SRFBP1: variants seen among roughly 807,000 people sequenced by gnomAD.
The protein encoded by SRFBP1 is serum response factor-binding protein 1.
Under a neutral mutation model 45.5 loss-of-function variants are expected in SRFBP1, and 47 were observed. The observed-to-expected ratio is 1.03, with a 90% CI of 0.82 to 1.32. SRFBP1 has a LOEUF of 1.32. SRFBP1 is among the 40% of genes most tolerant of loss of function. SRFBP1 has a pLI of 0.00. For synonymous variants in SRFBP1, 203 were observed against 166.3 expected, an observed-to-expected ratio of 1.22 and a Z score of -1.70; for missense variants, 621 against 484.6, an observed-to-expected ratio of 1.28 and a Z score of -2.64.
intron 3 of SRFBP1, among the ~76,000 whole-genome samples, chr5:121,976,774 A>T (rs1157770176): frequency 6.6e-6 from 1 of 150,746 alleles, no homozygotes. Flanking sequence ...GTGCATACAC[A>T]TACACATACA....
intron 3 of SRFBP1, among the ~76,000 whole-genome samples, chr5:121,990,996 C>G (rs1000884149): frequency 6.6e-6 from 1 of 151,498 alleles, no homozygotes; most frequent in Non-Finnish European, 1.5e-5. Flanking sequence ...TTAGGGCTTA[C>G]CTGCTTTCCA....
chr5:122,049,660 A>C (rs1753933605), intron 2 of SRFBP1, among the ~76,000 whole-genome samples: 1 of 152,174 alleles, frequency 6.6e-6, no homozygotes, highest in Non-Finnish European at 1.5e-5. Context: ...AAAGAACAGA[A>C]ATTATAACAA....
chr5:122,048,544 A>T (rs935287637), intron 2 of SRFBP1, among the ~76,000 whole-genome samples: 2 of 152,164 alleles, frequency 1.3e-5, no homozygotes, highest in Non-Finnish European at 2.9e-5. Flanking sequence ...TGGTATCAGG[A>T]TGATGCTGGC....
chr5:121,992,955 G>T (rs1208419365), intron 3 of SRFBP1, among the ~76,000 whole-genome samples: 1 of 151,972 alleles, frequency 6.6e-6, no homozygotes, highest in East Asian at 1.9e-4. Context: ...ATTGCCCCTT[G>T]TCTCCGACCC....
At chr5:122,074,696 T>C (rs1457962562) in intron 2 of SRFBP1, among the ~76,000 whole-genome samples, 1 of 152,220 alleles carries the variant, frequency 6.6e-6, no homozygotes, top group Admixed American at 6.5e-5. Context: ...AAATAAAATA[T>C]TCCTATTTTA....
chr5:122,019,039 A>G (rs1753241773), intron 4 of SRFBP1, among the ~76,000 whole-genome samples: 1 of 152,176 alleles, frequency 6.6e-6, no homozygotes, highest in Non-Finnish European at 1.5e-5. Context: ...ATTAATGATT[A>G]AGTGATAATT....
chr5:121,986,926 A>G (rs1202651782), intron 3 of SRFBP1, among the ~76,000 whole-genome samples: 1 of 152,146 alleles, frequency 6.6e-6, no homozygotes, highest in Non-Finnish European at 1.5e-5. Flanking sequence ...TCTATGTAGA[A>G]CTGAATGTTA....
At chr5:122,039,975 T>C (rs1753748478) in intron 2 of SRFBP1, among the ~76,000 whole-genome samples, 1 of 152,166 alleles carries the variant, frequency 6.6e-6, no homozygotes. Flanking sequence ...TCTGATCCAG[T>C]ATTACATTTT....
At chr5:121,971,808 C>G (rs1028310682) in intron 1 of SRFBP1, among the ~76,000 whole-genome samples, 1 of 151,862 alleles carries the variant, frequency 6.6e-6, no homozygotes, top group Non-Finnish European at 1.5e-5. Context: ...TCTTGGAAAA[C>G]TAAGGGAAGA....
chr5:121,998,183 A>C (rs1344735942), intron 4 of SRFBP1, among the ~76,000 whole-genome samples: 1 of 151,952 alleles, frequency 6.6e-6, no homozygotes, highest in African/African-American at 2.4e-5. Flanking sequence ...CCAAATGACT[A>C]TAAATCATGC....
intron 2 of SRFBP1, among the ~76,000 whole-genome samples, chr5:122,054,986 A>T (rs959077282): frequency 4.6e-5 from 7 of 152,240 alleles, no homozygotes; most frequent in African/African-American, 1.4e-4. Context: ...CCAATAAGTG[A>T]TGAAGCTAGG....
chr5:122,046,754 T>C (rs1753867010), intron 2 of SRFBP1, among the ~76,000 whole-genome samples: 1 of 152,244 alleles, frequency 6.6e-6, no homozygotes, highest in African/African-American at 2.4e-5. Context: ...TGGCGTGAGA[T>C]GGTATCTCAT....
At chr5:122,017,186 G>A (rs1022269381) in intron 4 of SRFBP1, among the ~76,000 whole-genome samples, 1 of 152,106 alleles carries the variant, frequency 6.6e-6, no homozygotes, top group Admixed American at 6.6e-5. Flanking sequence ...CCAAGATCAC[G>A]CTACTGCAAC....
downstream of SRFBP1, among the ~76,000 whole-genome samples, chr5:122,030,848 C>G (rs188540060): frequency 2.9e-3 from 447 of 152,070 alleles, 1 homozygote; most frequent in African/African-American, 0.01. Flanking sequence ...AGAATATAGA[C>G]CTTACACATA....
intron 1 of SRFBP1, among the ~76,000 whole-genome samples, chr5:121,967,756 G>A (rs549125425): frequency 1.1e-4 from 17 of 152,308 alleles, no homozygotes; most frequent in African/African-American, 3.6e-4. Context: ...GATGGCTTGA[G>A]CCCGGGAGGG....
intron 7 of SRFBP1, among the ~76,000 whole-genome samples, chr5:122,025,492 G>T (rs542847096): frequency 6.3e-4 from 96 of 152,258 alleles, no homozygotes; most frequent in African/African-American, 2.2e-3. Context: ...TAGGATGGCT[G>T]GGTCAAATGG....
chr5:122,046,748 G>A (rs990848721), intron 2 of SRFBP1, among the ~76,000 whole-genome samples: 36 of 152,316 alleles, frequency 2.4e-4, no homozygotes, highest in East Asian at 3.9e-4. Context: ...TCTAACTGGC[G>A]TGAGATGGTA....
At chr5:122,073,922 T>C in intron 2 of SRFBP1, 1 of 1,179,300 alleles carries the variant, frequency 8.5e-7, no homozygotes, top group Non-Finnish European at 1.2e-6. Flanking sequence ...ATGTGTGTGC[T>C]CTTCATGAAA....
At chr5:122,038,818 CTG>C (rs1227143323) in intron 2 of SRFBP1, among the ~76,000 whole-genome samples, 2 of 152,306 alleles carry the variant, frequency 1.3e-5, no homozygotes, top group East Asian at 3.9e-4. Context: ...AATTGCAAGA[CTG>C]GACTCCATCA....
Sources: gnomAD v4.1 joint callset for allele counts (sites outside exome capture counted in the v4.1 genomes callset) on GRCh38, gnomAD v4.1.1 for gene constraint, MANE v1.5 for transcripts, NCBI Gene and HGNC (gene_info 2026-07-23, HGNC 2026-07-21) for gene names.